Variants in SUGCT observed in about 807,000 individuals in gnomAD.
The protein encoded by SUGCT is succinyl-CoA:glutarate CoA-transferase.
A neutral mutation model predicts 55.0 loss-of-function variants in SUGCT; 41 were observed. The ratio of observed to expected loss-of-function variants is 0.74; its 90% CI spans 0.58 to 0.97. The LOEUF (loss-of-function observed/expected upper bound fraction) is 0.97, where lower values mean the gene tolerates loss of function less well. Among genes scored for constraint, SUGCT ranks in the 50% least tolerant of loss-of-function variants. SUGCT has a pLI of 0.00. For synonymous variants in SUGCT, 187 were observed against 200.4 expected (o/e 0.93, Z 0.56); for missense variants, 568 against 547.8 (o/e 1.04, Z -0.37).
chr7:40,297,384 A>C (rs1794226305), intron 8 of SUGCT, among the ~76,000 whole-genome samples: 1 of 152,128 alleles, frequency 6.6e-6, no homozygotes, highest in South Asian at 2.1e-4. Flanking sequence ...TTCAACCAAA[A>C]TTAAATGAAA....
the SUGCT span, among the ~76,000 whole-genome samples, chr7:40,912,147 C>T: frequency 1.2e-4 from 19 of 152,184 alleles, no homozygotes; most frequent in East Asian, 3.7e-3. Flanking sequence ...AGAACTAGGC[C>T]TTACACATTA....
chr7:40,194,416 G>A (rs1786122091), intron 5 of SUGCT, among the ~76,000 whole-genome samples: 2 of 151,834 alleles, frequency 1.3e-5, no homozygotes, highest in Admixed American at 1.3e-4. Context: ...ATGCACCACC[G>A]TGTCTGGCTA....
At chr7:40,883,344 A>G in the SUGCT span, among the ~76,000 whole-genome samples, 7 of 152,150 alleles carry the variant, frequency 4.6e-5, no homozygotes, top group Non-Finnish European at 1.0e-4. Context: ...GAGAATCTCA[A>G]GGGTTAGAGA....
At chr7:40,222,158 C>A (rs1788056157) in intron 6 of SUGCT, among the ~76,000 whole-genome samples, 2 of 152,200 alleles carry the variant, frequency 1.3e-5, no homozygotes. Flanking sequence ...TAGAAGTGAC[C>A]AGGTGGAAAA....
chr7:40,369,081 G>GT (rs1784155789), intron 9 of SUGCT, among the ~76,000 whole-genome samples: 1 of 151,670 alleles, frequency 6.6e-6, no homozygotes, highest in Non-Finnish European at 1.5e-5. Flanking sequence ...TCCAGCCTGG[G>GT]TAACAGAGCG....
At chr7:40,714,475 A>G (rs1056811999) in intron 12 of SUGCT, among the ~76,000 whole-genome samples, 5 of 151,524 alleles carry the variant, frequency 3.3e-5, no homozygotes, top group Non-Finnish European at 5.9e-5. Flanking sequence ...GTTCTGCTGT[A>G]GTTTCTGTTT....
intron 12 of SUGCT, among the ~76,000 whole-genome samples, chr7:40,535,051 C>T (rs1015935205): frequency 6.6e-6 from 1 of 152,034 alleles, no homozygotes. Context: ...AATATAATAT[C>T]TTCATTATCA....
At chr7:40,720,280 C>T (rs1034143186) in intron 12 of SUGCT, among the ~76,000 whole-genome samples, 12 of 151,934 alleles carry the variant, frequency 7.9e-5, no homozygotes, top group Non-Finnish European at 1.3e-4. Context: ...TCAAAAGGCA[C>T]GTAAATGTTA....
chr7:40,920,333 C>T, the SUGCT span, among the ~76,000 whole-genome samples: 1 of 152,020 alleles, frequency 6.6e-6, no homozygotes, highest in African/African-American at 2.4e-5. Flanking sequence ...GAAAGTATGC[C>T]CTGTGCAGGA....
intron 9 of SUGCT, among the ~76,000 whole-genome samples, chr7:40,355,485 C>T (rs969201376): frequency 2.6e-5 from 4 of 152,234 alleles, no homozygotes; most frequent in Admixed American, 6.5e-5. Flanking sequence ...ACAACCAACC[C>T]TTTTGAGCAG....
chr7:40,672,194 A>G (rs891148315), intron 12 of SUGCT, among the ~76,000 whole-genome samples: 5 of 152,312 alleles, frequency 3.3e-5, no homozygotes, highest in Middle Eastern at 3.4e-3. Flanking sequence ...AAATTTACTC[A>G]AAATACATCA....
intron 9 of SUGCT, among the ~76,000 whole-genome samples, chr7:40,343,029 TAAG>T (rs1797133508): frequency 6.6e-6 from 1 of 152,158 alleles, no homozygotes; most frequent in Non-Finnish European, 1.5e-5. Context: ...ACATGGCATA[TAAG>T]AAGGTTTCTA....
chr7:40,339,105 G>A (rs967184577), intron 9 of SUGCT, among the ~76,000 whole-genome samples: 1 of 152,172 alleles, frequency 6.6e-6, no homozygotes, highest in African/African-American at 2.4e-5. Flanking sequence ...TGTTCCTCTG[G>A]AAGCTTTGTC....
intron 8 of SUGCT, among the ~76,000 whole-genome samples, chr7:40,313,416 T>A (rs1795265844): frequency 6.6e-6 from 1 of 152,192 alleles, no homozygotes; most frequent in African/African-American, 2.4e-5. Flanking sequence ...TCATACATAA[T>A]CACATCATAG....
At chr7:40,882,675 T>C in the SUGCT span, among the ~76,000 whole-genome samples, 4 of 152,302 alleles carry the variant, frequency 2.6e-5, no homozygotes, top group South Asian at 2.1e-4. Flanking sequence ...CAGGTGAACA[T>C]TGGCCTTCCT....
chr7:40,962,671 A>G, the SUGCT span, among the ~76,000 whole-genome samples: 6 of 151,880 alleles, frequency 4.0e-5, no homozygotes, highest in Admixed American at 3.9e-4. Context: ...GAGAAGTTCT[A>G]GGTTAAAAAA....
At chr7:40,383,694 G>A (rs1348376323) in intron 9 of SUGCT, among the ~76,000 whole-genome samples, 1 of 152,196 alleles carries the variant, frequency 6.6e-6, no homozygotes, top group African/African-American at 2.4e-5. Context: ...TTGGGACTAA[G>A]TTTGGGGTGG....
chr7:40,935,164 C>G, the SUGCT span, among the ~76,000 whole-genome samples: 1 of 152,152 alleles, frequency 6.6e-6, no homozygotes, highest in African/African-American at 2.4e-5. Flanking sequence ...CTCAAATTGT[C>G]TATTTGTTGA....
the SUGCT span, among the ~76,000 whole-genome samples, chr7:41,029,177 A>C: frequency 1.3e-5 from 2 of 151,516 alleles, no homozygotes; most frequent in Non-Finnish European, 2.9e-5. Flanking sequence ...TGACCTGAAA[A>C]CTCAGTCATC....
Sources: allele counts gnomAD v4.1 joint callset (sites outside exome capture counted in the v4.1 genomes callset), GRCh38; gene constraint gnomAD v4.1.1; transcripts MANE v1.5; gene names NCBI Gene and HGNC (gene_info 2026-07-23, HGNC 2026-07-21).